The following MDGA2 variants were observed in gnomAD, a reference collection of about 807,000 sequenced individuals.
MDGA2 encodes the protein MAM domain-containing glycosylphosphatidylinositol anchor protein 2.
In MDGA2, 40 loss-of-function variants were observed where a neutral mutation model predicts 117.8. The ratio of observed to expected loss-of-function variants is 0.34; its 90% CI spans 0.26 to 0.44. MDGA2 has a LOEUF of 0.44. Ranked by LOEUF, MDGA2 falls within the 20% of genes least tolerant of loss-of-function variation. The pLI, the probability that MDGA2 is intolerant of heterozygous loss-of-function variation, is 1.00. For synonymous variants in MDGA2, 452 were observed against 439.0 expected, an observed-to-expected ratio of 1.03 and a Z score of -0.37; for missense variants, 1,123 against 1,250.6, an observed-to-expected ratio of 0.90 and a Z score of 1.54.
At chr14:47,215,913 A>C (rs549764922) in intron 3 of MDGA2, among the ~76,000 whole-genome samples, 1 of 152,286 alleles carries the variant, frequency 6.6e-6, no homozygotes, top group South Asian at 2.1e-4. Flanking sequence ...AGGTTGCATG[A>C]GAAAACCCCA....
At chr14:46,929,898 A>C in intron 9 of MDGA2, among the ~76,000 whole-genome samples, 1 of 150,540 alleles carries the variant, frequency 6.6e-6, no homozygotes, top group East Asian at 2.0e-4. Context: ...CAGCCTCTCA[A>C]AGTGTGGGAT....
chr14:47,470,854 C>T lies in MDGA2; in HGVS notation c.281-169304G>A, dbSNP rs146250462. 4.8e-3 allele frequency among the ~76,000 whole-genome samples: 726 copies of T among 152,200 alleles called. 5 individuals are homozygous for T. The highest frequency in any genetic ancestry group is 0.017 in the African/African-American group (689 of 41,528). ...AAATTGTCATCAATTAATGAAAGCA[C>T]GGAAGTGATGCTGATTTTATACTTA... On this transcript the variant is annotated intron_variant, in intron 1 of 16. Coordinates refer to ENST00000399232, the MANE Select transcript of MDGA2 (RefSeq NM_001113498.3).
Position 47,298,338 on chromosome 14 carries a change from TA to T in MDGA2, c.420+3072del, listed in dbSNP as rs1163744955. 7.3e-5 allele frequency among the ~76,000 whole-genome samples: 11 copies of T among 151,702 alleles called. 1 individual carries two copies. Among genetic ancestry groups the T allele is most frequent in the South Asian group, 6.2e-4 (3 of 4,810 alleles). Reference sequence around the variant, plus strand: ...CTACCCATCACTAAACAATATACCATAAAAAAAATTAAAGAGGCTAGAAAAA... The same window carrying T: ...CTACCCATCACTAAACAATATACCATAAAAAAATTAAAGAGGCTAGAAAAA... On this transcript the variant is annotated intron_variant, in intron 2 of 16. Transcript: ENST00000399232.
chr14:47,193,976 A>C (rs1885200798), intron 3 of MDGA2, among the ~76,000 whole-genome samples: 1 of 152,170 alleles, frequency 6.6e-6, no homozygotes, highest in South Asian at 2.1e-4. Context: ...AAGCAGAATA[A>C]ATTTTCTGAA....
At chr14:47,067,113 CACAA>C (rs1890114642) in intron 6 of MDGA2, among the ~76,000 whole-genome samples, 2 of 152,260 alleles carry the variant, frequency 1.3e-5, no homozygotes, top group South Asian at 2.1e-4. Flanking sequence ...AAAACTCCAC[CACAA>C]ACAAAGAAAC....
At chr14:47,671,369 A>T (rs1041389362) in intron 1 of MDGA2, among the ~76,000 whole-genome samples, 1 of 152,206 alleles carries the variant, frequency 6.6e-6, no homozygotes, top group Admixed American at 6.5e-5. Context: ...TGTTACAGCA[A>T]ATATTCTCAA....
intron 1 of MDGA2, among the ~76,000 whole-genome samples, chr14:47,524,014 T>C (rs1211595375): frequency 6.6e-6 from 1 of 152,164 alleles, no homozygotes; most frequent in Non-Finnish European, 1.5e-5. Flanking sequence ...AGAACACAAC[T>C]GAGGTATGTG....
intron 15 of MDGA2, among the ~76,000 whole-genome samples, chr14:46,851,915 A>G: frequency 6.6e-6 from 1 of 151,758 alleles, no homozygotes; most frequent in South Asian, 2.1e-4. Flanking sequence ...GTAAAAAAAA[A>G]AACTTTTTAT....
chr14:47,000,907 G>A (rs1887509355), intron 8 of MDGA2, among the ~76,000 whole-genome samples: 1 of 151,946 alleles, frequency 6.6e-6, no homozygotes, highest in African/African-American at 2.4e-5. Context: ...CTAAAACTAA[G>A]AAAACTACAT....
chr14:47,135,827 C>T (rs111445622), intron 4 of MDGA2, among the ~76,000 whole-genome samples: 40 of 152,206 alleles, frequency 2.6e-4, no homozygotes, highest in African/African-American at 8.9e-4. Flanking sequence ...TTTCCTAATG[C>T]TCCCCATTCC....
At chr14:47,239,828 T>A (rs1886981065) in intron 2 of MDGA2, among the ~76,000 whole-genome samples, 1 of 151,926 alleles carries the variant, frequency 6.6e-6, no homozygotes, top group Non-Finnish European at 1.5e-5. Context: ...ATCCTTGCTT[T>A]TTGAAACAAC....
In MDGA2 at chr14:47,175,644, G is replaced by A. The variant is rs1475047012; in HGVS notation, c.596-31370C>T. ...TCAATAAATTACATATTGATGGGACGTATCTCAAAATAATAAGAGCTATCT... is the reference window on the plus strand; with the variant it reads ...TCAATAAATTACATATTGATGGGACATATCTCAAAATAATAAGAGCTATCT... On this transcript the variant is annotated intron_variant, in intron 3 of 16. Coordinates refer to ENST00000399232, the MANE Select transcript of MDGA2 (RefSeq NM_001113498.3). 2.0e-4 allele frequency among the ~76,000 whole-genome samples: 31 copies of A among 151,622 alleles called. No homozygotes were observed. In the East Asian group the frequency reaches 2.1e-3, roughly 10 times the overall value.
chr14:47,294,922 T>C (rs530583181), intron 2 of MDGA2, among the ~76,000 whole-genome samples: 2 of 152,294 alleles, frequency 1.3e-5, no homozygotes, highest in African/African-American at 4.8e-5. Context: ...TGCAACAGCC[T>C]TGGTAGTTAA....
chr14:47,215,923 A>C (rs1304185605), intron 3 of MDGA2, among the ~76,000 whole-genome samples: 2 of 152,136 alleles, frequency 1.3e-5, no homozygotes, highest in Non-Finnish European at 2.9e-5. Flanking sequence ...AGAAAACCCC[A>C]AAGGAAGTCA....
At chr14:47,556,786 A>G (rs903532127) in intron 1 of MDGA2, among the ~76,000 whole-genome samples, 3 of 152,256 alleles carry the variant, frequency 2.0e-5, no homozygotes, top group Non-Finnish European at 4.4e-5. Flanking sequence ...AAATAAAACT[A>G]AAACGTTTAA....
chr14:47,258,593 G>A (rs907084594), intron 2 of MDGA2, among the ~76,000 whole-genome samples: 2 of 151,984 alleles, frequency 1.3e-5, no homozygotes, highest in Non-Finnish European at 2.9e-5. Context: ...TGGGAAGTGG[G>A]AAAATGTAGG....
At chr14:46,988,954 A>T (rs1478801665) in intron 8 of MDGA2, among the ~76,000 whole-genome samples, 1 of 152,146 alleles carries the variant, frequency 6.6e-6, no homozygotes, top group Non-Finnish European at 1.5e-5. Flanking sequence ...CTGCTAGAGT[A>T]AACTCCATCC....
At chr14:46,898,144 C>A (rs1005808823) in intron 10 of MDGA2, among the ~76,000 whole-genome samples, 5 of 151,762 alleles carry the variant, frequency 3.3e-5, no homozygotes, top group Non-Finnish European at 7.4e-5. Context: ...CATAATCCTT[C>A]TTAATATATA....
chr14:47,182,892 G>T (rs1566669922), intron 3 of MDGA2, among the ~76,000 whole-genome samples: 1 of 151,870 alleles, frequency 6.6e-6, no homozygotes, highest in South Asian at 2.1e-4. Flanking sequence ...ATATGGCTGG[G>T]TGTTTCTCAG....
Sources: allele counts gnomAD v4.1 joint callset (sites outside exome capture counted in the v4.1 genomes callset), GRCh38; gene constraint gnomAD v4.1.1; transcripts MANE v1.5; gene names NCBI Gene and HGNC (gene_info 2026-07-23, HGNC 2026-07-21).